The following KCNK2 variants were observed in gnomAD, a reference collection of about 807,000 sequenced individuals.
KCNK2 encodes potassium channel subfamily K member 2.
KCNK2 carries 21 observed loss-of-function variants against 40.5 expected under a neutral mutation model. The observed-to-expected ratio is 0.52, with a 90% CI of 0.37 to 0.75. The LOEUF (loss-of-function observed/expected upper bound fraction) is 0.75, where lower values mean the gene tolerates loss of function less well. Ranked by LOEUF, KCNK2 falls within the 30% of genes least tolerant of loss-of-function variation. The pLI is 0.00. For missense variants in KCNK2, 399 were observed against 531.6 expected (o/e 0.75, Z 2.45); for synonymous variants, 191 against 202.2 (o/e 0.94, Z 0.47).
intron 6 of KCNK2, among the ~76,000 whole-genome samples, chr1:215,215,113 G>T (rs1571740529): frequency 6.6e-6 from 1 of 152,194 alleles, no homozygotes; most frequent in South Asian, 2.1e-4. Context: ...CCTTGAAGAT[G>T]TTAAAATCAG....
intron 3 of KCNK2, among the ~76,000 whole-genome samples, chr1:215,163,596 G>A (rs563611203): frequency 5.3e-5 from 8 of 151,908 alleles, no homozygotes; most frequent in East Asian, 3.9e-4. Context: ...ATGTTACATC[G>A]GTATCCAGTT....
intron 3 of KCNK2, among the ~76,000 whole-genome samples, chr1:215,148,822 G>A (rs961941327): frequency 2.0e-5 from 3 of 152,212 alleles, no homozygotes; most frequent in Admixed American, 6.5e-5. Context: ...AAAGTGGTGT[G>A]AGGTGGGAGG....
intron 1 of KCNK2, among the ~76,000 whole-genome samples, chr1:215,037,525 G>T (rs1657430054): frequency 6.6e-6 from 1 of 151,838 alleles, no homozygotes; most frequent in Non-Finnish European, 1.5e-5. Flanking sequence ...TTCGATAAGG[G>T]TTATCTTGAC....
intron 1 of KCNK2, among the ~76,000 whole-genome samples, chr1:215,084,508 T>C (rs1659343749): frequency 6.6e-6 from 1 of 152,196 alleles, no homozygotes; most frequent in African/African-American, 2.4e-5. Flanking sequence ...TGACTTTTGT[T>C]TTTCACTCAG....
intron 6 of KCNK2, among the ~76,000 whole-genome samples, chr1:215,230,528 T>TATACACATCACAGCC (rs1553276494): frequency 1.1e-5 from 1 of 87,980 alleles, no homozygotes; most frequent in Non-Finnish European, 2.0e-5. Context: ...TATATATATA[T>TATACACATCACAGCC]ATATGTATAT....
intron 5 of KCNK2, 26 bp from the exon 6 acceptor site, chr1:215,194,927 T>A (rs1314437669): frequency 6.2e-7 from 1 of 1,608,014 alleles, no homozygotes; most frequent in Admixed American, 1.7e-5. Context: ...ATGAAGTTAT[T>A]TTGTTTTACT....
chr1:215,025,745 C>T lies in KCNK2; in HGVS notation c.34+19790C>T, dbSNP rs376316313. Among the ~76,000 whole-genome samples, 7 of 152,080 alleles carry T rather than the reference C, an allele frequency of 4.6e-5. No individual in the cohort carries two copies. In the South Asian group the frequency reaches 1.2e-3, roughly 27 times the overall value. On this transcript the variant is annotated intron_variant, in intron 1 of 6. Transcript: ENST00000391895. ...AAGTATAGCTGAATAATATTCTGTG[C>T]TGTGGATTACCGTGGTTTATTCCTT...
chr1:215,211,485 A>G (rs1665743756), intron 6 of KCNK2, among the ~76,000 whole-genome samples: 1 of 152,064 alleles, frequency 6.6e-6, no homozygotes, highest in African/African-American at 2.4e-5. Flanking sequence ...CTGCATTTTC[A>G]TCATATTCAC....
intron 3 of KCNK2, among the ~76,000 whole-genome samples, chr1:215,156,945 C>T (rs1011339294): frequency 1.0e-5 from 1 of 98,768 alleles, no homozygotes; most frequent in Non-Finnish European, 2.7e-5. Context: ...CAGCTACTCG[C>T]GAGGCTGAGG....
intron 1 of KCNK2, among the ~76,000 whole-genome samples, chr1:215,020,198 T>C (rs1174347363): frequency 6.6e-6 from 1 of 152,212 alleles, no homozygotes; most frequent in Non-Finnish European, 1.5e-5. Context: ...GGCTTTGTGC[T>C]GTGAACTCTG....
At chr1:215,076,017 A>T (rs1215141057) in intron 1 of KCNK2, among the ~76,000 whole-genome samples, 1 of 152,234 alleles carries the variant, frequency 6.6e-6, no homozygotes, top group Non-Finnish European at 1.5e-5. Flanking sequence ...TCTAATGTAC[A>T]TTCAAGTTTG....
intron 3 of KCNK2, among the ~76,000 whole-genome samples, chr1:215,135,505 A>C (rs141237895): frequency 2.6e-4 from 40 of 151,984 alleles, no homozygotes; most frequent in Admixed American, 5.9e-4. Context: ...TATTTCTGCC[A>C]CTAATATTTA....
At chr1:215,115,769 GAGATGGGGT>G (rs1211694448) in intron 2 of KCNK2, among the ~76,000 whole-genome samples, 1 of 145,580 alleles carries the variant, frequency 6.9e-6, no homozygotes, top group Non-Finnish European at 1.5e-5. Context: ...CACTCATGCT[GAGATGGGGT>G]AGAAGGTGGC....
At chr1:215,200,830 G>A (rs1665052430) in intron 6 of KCNK2, among the ~76,000 whole-genome samples, 1 of 152,108 alleles carries the variant, frequency 6.6e-6, no homozygotes, top group Admixed American at 6.6e-5. Flanking sequence ...ACTTTGGGTG[G>A]GATTACAGAA....
intron 1 of KCNK2, among the ~76,000 whole-genome samples, chr1:215,032,739 G>A (rs1004093935): frequency 6.6e-6 from 1 of 151,978 alleles, no homozygotes; most frequent in Non-Finnish European, 1.5e-5. Flanking sequence ...CAAGAAGTTC[G>A]ATGTAATTAT....
intron 1 of KCNK2, among the ~76,000 whole-genome samples, chr1:215,068,732 C>G (rs1459759601): frequency 6.6e-6 from 1 of 152,094 alleles, no homozygotes; most frequent in Non-Finnish European, 1.5e-5. Flanking sequence ...AAGGGACATC[C>G]CTGGTAAATC....
chr1:215,081,549 A>C (rs532682323), upstream of KCNK2, among the ~76,000 whole-genome samples: 13 of 152,234 alleles, frequency 8.5e-5, no homozygotes, highest in African/African-American at 3.1e-4. Flanking sequence ...CATTTTTATC[A>C]TTGACGGTAA....
chr1:215,222,652 T>C (rs1407211384), intron 6 of KCNK2, among the ~76,000 whole-genome samples: 1 of 151,820 alleles, frequency 6.6e-6, no homozygotes, highest in African/African-American at 2.4e-5. Context: ...TTATGAATAT[T>C]ACATATACTT....
chr1:215,106,049 A>G (rs1165381942), intron 2 of KCNK2, among the ~76,000 whole-genome samples: 2 of 152,246 alleles, frequency 1.3e-5, no homozygotes, highest in African/African-American at 4.8e-5. Flanking sequence ...TGTGATGAAC[A>G]TATAGGTGGA....
Sources: allele counts gnomAD v4.1 joint callset (sites outside exome capture counted in the v4.1 genomes callset), GRCh38; gene constraint gnomAD v4.1.1; transcripts MANE v1.5; gene names NCBI Gene and HGNC (gene_info 2026-07-23, HGNC 2026-07-21).